Variants in TRIO observed in about 807,000 individuals in gnomAD.
TRIO encodes triple functional domain protein.
In TRIO, 58 loss-of-function variants were observed where a neutral mutation model predicts 351.9. The ratio of observed to expected loss-of-function variants is 0.16; its 90% CI spans 0.13 to 0.21. TRIO has a LOEUF of 0.21. Among genes scored for constraint, TRIO ranks in the 10% least tolerant of loss-of-function variants. The probability of loss-of-function intolerance (pLI) is 1.00; values close to 1 mark genes in which losing one functional copy is unlikely to be tolerated. For synonymous variants in TRIO, 1,758 were observed against 1,595.7 expected (o/e 1.10, Z -2.42); for missense variants, 3,201 against 4,027.8 (o/e 0.79, Z 5.56).
intron 48 of TRIO, chr5:14,488,507 G>T: frequency 1.8e-6 from 1 of 562,080 alleles, no homozygotes; most frequent in Non-Finnish European, 3.0e-6. Context: ...AGCGTCTTTT[G>T]GTTTCTTCCA....
chr5:14,207,661 C>T (rs1004583716), intron 1 of TRIO, among the ~76,000 whole-genome samples: 10 of 151,970 alleles, frequency 6.6e-5, no homozygotes, highest in South Asian at 2.1e-4. Flanking sequence ...GAGCTGTGAT[C>T]GTGCCACTGT....
chr5:14,148,581 A>G (rs781170192), intron 1 of TRIO, among the ~76,000 whole-genome samples: 62 of 152,190 alleles, frequency 4.1e-4, no homozygotes, highest in Admixed American at 1.1e-3. Flanking sequence ...TCAATTCTAT[A>G]ATGAATTGGC....
chr5:14,351,659 A>G (rs988821929), intron 11 of TRIO, among the ~76,000 whole-genome samples: 2 of 152,242 alleles, frequency 1.3e-5, no homozygotes, highest in Non-Finnish European at 2.9e-5. Flanking sequence ...TACATACAGG[A>G]GAAAACTGAA....
At chr5:14,383,930 T>C (rs962577297) in intron 21 of TRIO, among the ~76,000 whole-genome samples, 9 of 152,222 alleles carry the variant, frequency 5.9e-5, no homozygotes, top group African/African-American at 2.2e-4. Context: ...CTTGTTACAA[T>C]GTTATAACAT....
At chr5:14,216,630 T>G (rs1327689750) in intron 1 of TRIO, among the ~76,000 whole-genome samples, 10 of 152,206 alleles carry the variant, frequency 6.6e-5, no homozygotes, top group Non-Finnish European at 1.5e-4. Flanking sequence ...TGGATTGGAG[T>G]CCTACCTCTT....
chr5:14,183,736 G>A (rs1789935552), intron 1 of TRIO: 3 of 467,786 alleles, frequency 6.4e-6, no homozygotes, highest in African/African-American at 1.9e-5. Context: ...TGCCCCTCCC[G>A]TTTGCTGAGG....
intron 7 of TRIO, among the ~76,000 whole-genome samples, chr5:14,301,379 C>T (rs912045087): frequency 2.6e-5 from 4 of 152,096 alleles, no homozygotes; most frequent in Non-Finnish European, 5.9e-5. Flanking sequence ...CTGCCTTTAT[C>T]CCCAGTCCCC....
intron 8 of TRIO, among the ~76,000 whole-genome samples, chr5:14,313,039 T>C (rs551548243): frequency 3.9e-5 from 6 of 152,330 alleles, no homozygotes; most frequent in African/African-American, 1.2e-4. Context: ...TGAAATAATA[T>C]AGAATCATAT....
At chr5:14,392,107 C>T (rs1267533006) in intron 27 of TRIO, among the ~76,000 whole-genome samples, 1 of 152,060 alleles carries the variant, frequency 6.6e-6, no homozygotes, top group Non-Finnish European at 1.5e-5. Flanking sequence ...TTTAGAAACC[C>T]TTATGCCCCA....
At chr5:14,315,249 C>T (rs2152304707) in intron 8 of TRIO, among the ~76,000 whole-genome samples, 1 of 148,068 alleles carries the variant, frequency 6.8e-6, no homozygotes, top group African/African-American at 2.6e-5. Context: ...GAACTTGCTC[C>T]TCTTTTTTTT....
chr5:14,446,425 C>T (rs1349184832), intron 34 of TRIO, among the ~76,000 whole-genome samples: 1 of 152,034 alleles, frequency 6.6e-6, no homozygotes, highest in East Asian at 1.9e-4. Flanking sequence ...AAGTGGGAGA[C>T]AGCTCTCAAT....
chr5:14,433,254 A>C (rs762513164), intron 34 of TRIO, among the ~76,000 whole-genome samples: 15 of 152,238 alleles, frequency 9.9e-5, no homozygotes, highest in Non-Finnish European at 1.9e-4. Context: ...CCACATGAAG[A>C]GTTTGAATGC....
intron 49 of TRIO, 133 bp downstream of exon 49, chr5:14,492,947 C>A: frequency 7.3e-7 from 1 of 1,376,956 alleles, no homozygotes; most frequent in Non-Finnish European, 9.7e-7. Context: ...ACAGGCTCAG[C>A]TCTGAGCACG....
intron 1 of TRIO, among the ~76,000 whole-genome samples, chr5:14,208,839 G>A (rs968364736): frequency 6.6e-6 from 1 of 152,188 alleles, no homozygotes; most frequent in East Asian, 1.9e-4. Flanking sequence ...TTACCTACCT[G>A]AAGTGGAACT....
At chr5:14,317,077 G>T (rs1739441238) in intron 9 of TRIO, among the ~76,000 whole-genome samples, 1 of 152,140 alleles carries the variant, frequency 6.6e-6, no homozygotes, top group Non-Finnish European at 1.5e-5. Flanking sequence ...GTTAACACTT[G>T]TCTGCTTTTC....
chr5:14,298,447 T>C (rs1737560443), intron 7 of TRIO, among the ~76,000 whole-genome samples: 1 of 152,086 alleles, frequency 6.6e-6, no homozygotes, highest in Non-Finnish European at 1.5e-5. Context: ...AAAGGAAAAA[T>C]ATCAGTATAT....
At position 14,262,189 on chromosome 5, in the gene TRIO, G is replaced by A. The variant is rs571591140; in HGVS notation, c.158-8636G>A. On this transcript the variant is annotated intron_variant, in intron 1 of 56. Coordinates refer to ENST00000344204, the MANE Select transcript of TRIO (RefSeq NM_007118.4). ...GAGCCCAGCTGCTAATAGGAACACC[G>A]AGAAGTCTTTTGATATTTCCCCTGC... 3.9e-5 allele frequency among the ~76,000 whole-genome samples: 6 copies of A among 152,296 alleles called. No individual in the cohort carries two copies. In the South Asian group the frequency reaches 1.0e-3, roughly 26 times the overall value.
intron 11 of TRIO, among the ~76,000 whole-genome samples, chr5:14,348,758 C>G (rs1423412054): frequency 4.7e-5 from 7 of 150,198 alleles, no homozygotes; most frequent in African/African-American, 1.7e-4. Flanking sequence ...TGTGTACGCA[C>G]ATGAGCATGT....
chr5:14,395,226 G>T (rs1305799822), intron 28 of TRIO, among the ~76,000 whole-genome samples: 1 of 152,184 alleles, frequency 6.6e-6, no homozygotes, highest in Non-Finnish European at 1.5e-5. Context: ...AAGCTCTCCT[G>T]TACTTTTATA....
Sources: allele counts gnomAD v4.1 joint callset (sites outside exome capture counted in the v4.1 genomes callset), GRCh38; gene constraint gnomAD v4.1.1; transcripts MANE v1.5; gene names NCBI Gene and HGNC (gene_info 2026-07-23, HGNC 2026-07-21).